CDK19: variants seen among roughly 807,000 people sequenced by gnomAD.
CDK19 encodes cyclin dependent kinase 19.
In CDK19, 20 loss-of-function variants were observed where a neutral mutation model predicts 68.3. The ratio of observed to expected loss-of-function variants is 0.29; its 90% CI spans 0.21 to 0.43. The LOEUF (loss-of-function observed/expected upper bound fraction) is 0.43. Ranked by LOEUF, CDK19 falls within the 20% of genes least tolerant of loss-of-function variation. CDK19 has a pLI of 1.00. For synonymous variants in CDK19, 221 were observed against 222.8 expected (o/e 0.99, Z 0.07); for missense variants, 339 against 623.5 (o/e 0.54, Z 4.86).
At chr6:110,752,659 G>A (rs1171463370) in intron 1 of CDK19, among the ~76,000 whole-genome samples, 4 of 152,006 alleles carry the variant, frequency 2.6e-5, no homozygotes, top group African/African-American at 9.7e-5. Flanking sequence ...GAATTCCCTC[G>A]CAACATGAAA....
At chr6:110,671,287 A>C (rs1464781523) in intron 2 of CDK19, among the ~76,000 whole-genome samples, 1 of 152,210 alleles carries the variant, frequency 6.6e-6, no homozygotes, top group African/African-American at 2.4e-5. Flanking sequence ...GTTTGATAAA[A>C]TATTTAGCAA....
intron 5 of CDK19, among the ~76,000 whole-genome samples, chr6:110,636,622 A>T (rs1048876966): frequency 9.9e-5 from 15 of 152,228 alleles, no homozygotes; most frequent in African/African-American, 3.6e-4. Context: ...GTGTCCTTTC[A>T]GAGAGGACTT....
chr6:110,685,587 C>G (rs1005446583), intron 2 of CDK19, among the ~76,000 whole-genome samples: 1 of 152,178 alleles, frequency 6.6e-6, no homozygotes, highest in African/African-American at 2.4e-5. Flanking sequence ...CAAATGTTGG[C>G]TAAGTGATAA....
chr6:110,732,537 T>C (rs927244303), intron 2 of CDK19, among the ~76,000 whole-genome samples: 1 of 151,810 alleles, frequency 6.6e-6, no homozygotes, highest in African/African-American at 2.4e-5. Flanking sequence ...AAAAAAGTCA[T>C]TCAAGATGGC....
chr6:110,669,621 A>C (rs1770822144), intron 3 of CDK19, among the ~76,000 whole-genome samples: 1 of 152,186 alleles, frequency 6.6e-6, no homozygotes, highest in Non-Finnish European at 1.5e-5. Flanking sequence ...TCTCTATAAA[A>C]CATTTTTGAA....
At chr6:110,651,553 T>C (rs1780974785) in intron 4 of CDK19, among the ~76,000 whole-genome samples, 1 of 152,162 alleles carries the variant, frequency 6.6e-6, no homozygotes, top group Admixed American at 6.5e-5. Context: ...GGCAACATGG[T>C]GAAAACCCCA....
At chr6:110,687,705 A>G (rs868868742) in intron 2 of CDK19, among the ~76,000 whole-genome samples, 9 of 152,216 alleles carry the variant, frequency 5.9e-5, no homozygotes, top group African/African-American at 2.2e-4. Flanking sequence ...ACTAAGAGTG[A>G]TAACTTTAAT....
chr6:110,811,687 T>G (rs1205917053), intron 1 of CDK19, among the ~76,000 whole-genome samples: 1 of 152,204 alleles, frequency 6.6e-6, no homozygotes, highest in Non-Finnish European at 1.5e-5. Flanking sequence ...ATTTTATGAA[T>G]TCTTGCTTGT....
chr6:110,769,088 G>A (rs1036125603), intron 1 of CDK19, among the ~76,000 whole-genome samples: 2 of 143,656 alleles, frequency 1.4e-5, no homozygotes, highest in African/African-American at 2.6e-5. Flanking sequence ...CCTGGAGGCA[G>A]AGGTTGCAGT....
At chr6:110,634,738 G>A (rs571829004) in intron 5 of CDK19, among the ~76,000 whole-genome samples, 10 of 152,184 alleles carry the variant, frequency 6.6e-5, no homozygotes, top group Non-Finnish European at 1.5e-4. Flanking sequence ...TCAAGGCACT[G>A]TTTTATATAT....
At chr6:110,790,926 C>T (rs912084981) in intron 1 of CDK19, among the ~76,000 whole-genome samples, 10 of 152,152 alleles carry the variant, frequency 6.6e-5, no homozygotes. Context: ...AATCCCAGCA[C>T]TTTGGGAGGC....
chr6:110,690,495 A>G (rs1181851888), intron 2 of CDK19, among the ~76,000 whole-genome samples: 2 of 152,196 alleles, frequency 1.3e-5, no homozygotes, highest in African/African-American at 4.8e-5. Context: ...ATCATTGGCT[A>G]TTGCATTTAC....
intron 1 of CDK19, 90 bp downstream of exon 1, chr6:110,814,919 G>C: frequency 6.4e-7 from 1 of 1,553,666 alleles, no homozygotes; most frequent in Non-Finnish European, 8.8e-7. Context: ...CCTCGGGCAC[G>C]GCCCGACTGG....
intron 1 of CDK19, among the ~76,000 whole-genome samples, chr6:110,790,112 A>G (rs1483361677): frequency 6.6e-6 from 1 of 152,242 alleles, no homozygotes; most frequent in African/African-American, 2.4e-5. Context: ...AAGGCATTGT[A>G]TATTTCTGGA....
At chr6:110,777,893 C>CA in intron 1 of CDK19, among the ~76,000 whole-genome samples, 1 of 152,196 alleles carries the variant, frequency 6.6e-6, no homozygotes, top group South Asian at 2.1e-4. Flanking sequence ...AAAGGACAAA[C>CA]ACTATAGATC....
In CDK19 at chr6:110,706,404, G is replaced by GTTTTTTTTTTTTTTTTT. The variant is rs774904075; in HGVS notation, c.205-35864_205-35863insAAAAAAAAAAAAAAAAA. ...CAACAGCATGCTGGGTAACACTGTTGTTTTTTTTTTGTTTGTTTTTTTTTT... is the reference window on the plus strand; with the variant it reads ...CAACAGCATGCTGGGTAACACTGTTGTTTTTTTTTTTTTTTTTTTTTTTTTTTGTTTGTTTTTTTTTT... On this transcript the variant is annotated intron_variant, in intron 2 of 12. Transcript: ENST00000368911. The GTTTTTTTTTTTTTTTTT allele has an allele frequency of 1.1e-4, 8 of 71,064 alleles. 4 individuals carry two copies. Among genetic ancestry groups the GTTTTTTTTTTTTTTTTT allele is most frequent in the Non-Finnish European group, 1.6e-4 (6 of 38,606 alleles). The allele number at this position is 71,064 out of a possible 1,614,324, so 4.4% of individuals were successfully genotyped here.
intron 4 of CDK19, among the ~76,000 whole-genome samples, chr6:110,644,020 G>A (rs1019764266): frequency 1.3e-4 from 20 of 151,980 alleles, no homozygotes; most frequent in Non-Finnish European, 2.8e-4. Flanking sequence ...TTGGCCAGGC[G>A]CAGTGGCTCA....
chr6:110,742,222 A>C (rs1164727733), intron 2 of CDK19, among the ~76,000 whole-genome samples: 1 of 152,186 alleles, frequency 6.6e-6, no homozygotes, highest in East Asian at 1.9e-4. Context: ...ATAATTTATT[A>C]CACCTGTCTT....
chr6:110,695,968 C>T (rs576241795), intron 2 of CDK19, among the ~76,000 whole-genome samples: 2 of 152,092 alleles, frequency 1.3e-5, no homozygotes, highest in South Asian at 4.2e-4. Context: ...AAAAGATAGA[C>T]AAAGAGGAAA....
Sources: gnomAD v4.1 joint callset for allele counts (sites outside exome capture counted in the v4.1 genomes callset) on GRCh38, gnomAD v4.1.1 for gene constraint, MANE v1.5 for transcripts, NCBI Gene and HGNC (gene_info 2026-07-23, HGNC 2026-07-21) for gene names.